ZNF429: variants seen among roughly 807,000 people sequenced by gnomAD.
The protein encoded by ZNF429 is zinc finger protein 429.
ZNF429 carries 53 observed loss-of-function variants against 56.8 expected under a neutral mutation model. The ratio of observed to expected loss-of-function variants is 0.93; its 90% CI spans 0.75 to 1.17. ZNF429 has a LOEUF of 1.17. ZNF429 is among the 50% of genes most tolerant of loss of function. ZNF429 has a pLI of 0.00. For synonymous variants in ZNF429, 278 were observed against 264.7 expected (o/e 1.05, Z -0.49); for missense variants, 849 against 788.4 (o/e 1.08, Z -0.92).
In ZNF429 at chr19:21,530,160, C is replaced by T; in HGVS notation, c.130+376C>T. 2.7e-5 allele frequency among the ~76,000 whole-genome samples: 4 copies of T among 147,194 alleles called. No homozygotes were observed. The Admixed American group carries it at 2.8e-4, about 10-fold the overall frequency. On this transcript the variant is annotated intron_variant, in intron 2 of 3. Transcript: ENST00000358491. ...GAGCGGAGATAGCACCACTGCAGTC[C>T]AGCCTGGGCAAAAGAGCGAGACTCC...
chr19:21,529,919 C>T, intron 2 of ZNF429, 135 bp downstream of exon 2: 9 of 622,692 alleles, frequency 1.4e-5, no homozygotes, highest in South Asian at 1.0e-4. Flanking sequence ...AGTTTGGGGC[C>T]GGGTGTCTTG....
intron 3 of ZNF429, among the ~76,000 whole-genome samples, chr19:21,535,332 T>TCTTTCTTTC: frequency 9.6e-5 from 9 of 93,490 alleles, no homozygotes; most frequent in African/African-American, 2.1e-4. Context: ...TCTTTCTCTT[T>TCTTTCTTTC]TCTTTTCTTT....
At chr19:21,532,147 A>G in intron 3 of ZNF429, among the ~76,000 whole-genome samples, 4 of 151,004 alleles carry the variant, frequency 2.6e-5, no homozygotes, top group African/African-American at 9.7e-5. Flanking sequence ...AAATTTTAAA[A>G]TATTTTGTAT....
intron 3 of ZNF429, among the ~76,000 whole-genome samples, chr19:21,534,725 C>A: frequency 6.6e-6 from 1 of 151,612 alleles, no homozygotes; most frequent in Admixed American, 6.6e-5. Flanking sequence ...ACACCAGGTG[C>A]AAATAAGGAT....
At chr19:21,518,702 A>G (rs7258901) in intron 1 of ZNF429, 41,916 of 151,938 alleles carry the variant, frequency 0.28, 7,053 homozygotes, top group African/African-American at 0.48. Flanking sequence ...ACAGATGTGC[A>G]CCACCACGCC....
At chr19:21,514,746 G>A (rs985170592) in intron 1 of ZNF429, among the ~76,000 whole-genome samples, 3 of 150,856 alleles carry the variant, frequency 2.0e-5, no homozygotes, top group African/African-American at 4.9e-5. Context: ...TCACAGGCAC[G>A]CACCACCACA....
intron 1 of ZNF429, among the ~76,000 whole-genome samples, chr19:21,510,914 CAG>C (rs1292711647): frequency 1.3e-4 from 20 of 152,208 alleles, no homozygotes; most frequent in South Asian, 4.1e-4. Context: ...CATAGATCAA[CAG>C]GATCCCAAGG....
At chr19:21,520,889 T>G (rs976372250) in intron 1 of ZNF429, among the ~76,000 whole-genome samples, 1 of 152,238 alleles carries the variant, frequency 6.6e-6, no homozygotes, top group Non-Finnish European at 1.5e-5. Context: ...GCACTCATAT[T>G]AATAGCATTT....
intron 1 of ZNF429, among the ~76,000 whole-genome samples, chr19:21,508,013 G>A (rs560731508): frequency 1.3e-5 from 2 of 152,292 alleles, no homozygotes; most frequent in East Asian, 3.9e-4. Context: ...AGCACTTTGG[G>A]AGGCCAAGGT....
At position 21,515,090 on chromosome 19, in the gene ZNF429, A is replaced by G. The variant is rs1258626771; in HGVS notation, c.3+9316A>G. ...CAAGTAGCTGGGATTACAGGCATGCACCACCACGCTTGTCTAATTTTTGTA... is the reference window on the plus strand; with the variant it reads ...CAAGTAGCTGGGATTACAGGCATGCGCCACCACGCTTGTCTAATTTTTGTA... On this transcript the variant is annotated intron_variant, in intron 1 of 3. Coordinates refer to ENST00000358491, the MANE Select transcript of ZNF429 (RefSeq NM_001001415.4). Among the ~76,000 whole-genome samples, 20 of 151,638 alleles carry G rather than the reference A, an allele frequency of 1.3e-4. 1 individual carries two copies. The South Asian group carries it at 4.0e-3, about 30-fold the overall frequency.
chr19:21,514,695 T>G (rs903825934), intron 1 of ZNF429, among the ~76,000 whole-genome samples: 1 of 151,916 alleles, frequency 6.6e-6, no homozygotes, highest in African/African-American at 2.4e-5. Context: ...CCTCCCAGAT[T>G]CAAGTGATTT....
At chr19:21,510,695 GTC>G (rs1214343018) in intron 1 of ZNF429, among the ~76,000 whole-genome samples, 22 of 151,506 alleles carry the variant, frequency 1.5e-4, no homozygotes, top group Non-Finnish European at 2.9e-5. Flanking sequence ...GTGAACAAAG[GTC>G]TCTGGTTTTC....
At chr19:21,507,069 G>C (rs955145852) in intron 1 of ZNF429, among the ~76,000 whole-genome samples, 1 of 152,080 alleles carries the variant, frequency 6.6e-6, no homozygotes, top group African/African-American at 2.4e-5. Context: ...CTCCCGGCTT[G>C]AGTTAGATCT....
intron 2 of ZNF429, 40 bp from the exon 3 acceptor site, chr19:21,530,549 A>G: frequency 2.0e-6 from 3 of 1,474,740 alleles, no homozygotes; most frequent in Non-Finnish European, 1.9e-6. Context: ...TAATTACAGA[A>G]TATAAGCAAG....
chr19:21,508,855 A>G (rs948408652), intron 1 of ZNF429, among the ~76,000 whole-genome samples: 4 of 152,208 alleles, frequency 2.6e-5, no homozygotes, highest in Non-Finnish European at 4.4e-5. Flanking sequence ...TAGGTGAGTT[A>G]CATGAATTCA....
chr19:21,535,327 C>CTTTCTTTCTTTCTTTCTT, intron 3 of ZNF429, among the ~76,000 whole-genome samples: 10 of 116,220 alleles, frequency 8.6e-5, no homozygotes, highest in African/African-American at 4.2e-4. Flanking sequence ...TTCTTTCTTT[C>CTTTCTTTCTTTCTTTCTT]TCTTTTCTTT....
intron 3 of ZNF429, among the ~76,000 whole-genome samples, chr19:21,533,273 G>A: frequency 5.9e-4 from 89 of 151,362 alleles, no homozygotes; most frequent in African/African-American, 1.8e-3. Context: ...ATTTAGTTCA[G>A]TTGTTTTCCC....
Position 21,539,716 on chromosome 19 carries a change from C to A in ZNF429, c.*1638C>A, listed in dbSNP as rs922892900. Among the ~76,000 whole-genome samples the A allele has an allele frequency of 6.6e-6, 1 of 151,872 alleles. No homozygotes were observed. Among genetic ancestry groups the A allele is most frequent in the South Asian group, 2.1e-4 (1 of 4,804 alleles). On this transcript the variant is annotated 3_prime_UTR_variant, in exon 4 of 4. Coordinates refer to ENST00000358491, the MANE Select transcript of ZNF429 (RefSeq NM_001001415.4). ...AGAGTGCTGGGATTGCAGCCATGAG[C>A]CACTGCACCCAGCCCAAAGTATGCT...
chr19:21,523,123 G>T (rs949827908), intron 1 of ZNF429, among the ~76,000 whole-genome samples: 4 of 152,084 alleles, frequency 2.6e-5, no homozygotes, highest in Admixed American at 6.5e-5. Context: ...CGTGTGCATT[G>T]AGTAGACATG....
Sources: allele counts gnomAD v4.1 joint callset (sites outside exome capture counted in the v4.1 genomes callset), GRCh38; gene constraint gnomAD v4.1.1; transcripts MANE v1.5; gene names NCBI Gene and HGNC (gene_info 2026-07-23, HGNC 2026-07-21).